Variants in TRAPPC9 observed in about 807,000 individuals in gnomAD.
TRAPPC9 encodes the protein IKK2 binding protein.
TRAPPC9 carries 83 observed loss-of-function variants against 124.0 expected under a neutral mutation model. The observed-to-expected ratio is 0.67, with a 90% CI of 0.56 to 0.80. The LOEUF is 0.80. Among genes scored for constraint, TRAPPC9 ranks in the 30% least tolerant of loss-of-function variants. TRAPPC9 has a pLI of 0.00. For missense variants in TRAPPC9, 1,302 were observed against 1,508.3 expected (o/e 0.86, Z 2.27); for synonymous variants, 638 against 617.5 (o/e 1.03, Z -0.49).
chr8:140,000,483 T>A (rs1838317938), intron 18 of TRAPPC9, among the ~76,000 whole-genome samples: 1 of 152,176 alleles, frequency 6.6e-6, no homozygotes, highest in African/African-American at 2.4e-5. Context: ...AATCTACCTA[T>A]CTGACAAAGG....
chr8:139,786,752 C>T (rs769951738), intron 21 of TRAPPC9, among the ~76,000 whole-genome samples: 4 of 152,156 alleles, frequency 2.6e-5, no homozygotes, highest in Non-Finnish European at 5.9e-5. Flanking sequence ...CCGGGACATG[C>T]AAAAACATAC....
chr8:140,067,308 T>C (rs1842939051), intron 17 of TRAPPC9, among the ~76,000 whole-genome samples: 1 of 152,136 alleles, frequency 6.6e-6, no homozygotes, highest in Non-Finnish European at 1.5e-5. Context: ...CAAACCCAGC[T>C]AATTTTTTGT....
intron 21 of TRAPPC9, among the ~76,000 whole-genome samples, chr8:139,848,015 CTAGCCCCTCACGCAGGGCCT>C (rs1827207653): frequency 6.6e-6 from 1 of 152,266 alleles, no homozygotes; most frequent in African/African-American, 2.4e-5. Context: ...AACAAGGCCC[CTAGCCCCTCACGCAGGGCCT>C]GTCCCAGGAG....
intron 5 of TRAPPC9, among the ~76,000 whole-genome samples, chr8:140,409,997 A>G (rs1363362857): frequency 6.6e-6 from 1 of 152,090 alleles, no homozygotes; most frequent in Non-Finnish European, 1.5e-5. Flanking sequence ...AAAATTAGCC[A>G]GGCATGGTGG....
At chr8:140,251,221 C>T (rs952613747) in intron 16 of TRAPPC9, among the ~76,000 whole-genome samples, 2 of 152,224 alleles carry the variant, frequency 1.3e-5, no homozygotes, top group African/African-American at 4.8e-5. Flanking sequence ...GGGTAATATC[C>T]AGTCCCAAGT....
intron 9 of TRAPPC9, among the ~76,000 whole-genome samples, chr8:140,317,655 C>A (rs941475642): frequency 1.3e-5 from 2 of 151,772 alleles, no homozygotes; most frequent in Non-Finnish European, 2.9e-5. Context: ...AGTTTAACAA[C>A]GAAAAATAAA....
chr8:140,206,998 G>A (rs1303128780), intron 17 of TRAPPC9, among the ~76,000 whole-genome samples: 1 of 152,152 alleles, frequency 6.6e-6, no homozygotes, highest in South Asian at 2.1e-4. Context: ...TTGAAGTCTA[G>A]TGGGGTGACA....
At chr8:140,092,567 G>A (rs1844644342) in intron 17 of TRAPPC9, among the ~76,000 whole-genome samples, 1 of 152,172 alleles carries the variant, frequency 6.6e-6, no homozygotes, top group Non-Finnish European at 1.5e-5. Context: ...GAGAGACTGA[G>A]TAACTTATCC....
intron 9 of TRAPPC9, among the ~76,000 whole-genome samples, chr8:140,358,195 G>A (rs1432143273): frequency 6.6e-6 from 1 of 152,176 alleles, no homozygotes; most frequent in Non-Finnish European, 1.5e-5. Context: ...ACTGCTTAAT[G>A]TATACTAGGT....
At chr8:140,339,553 T>TA (rs1392480272) in intron 9 of TRAPPC9, among the ~76,000 whole-genome samples, 1 of 152,156 alleles carries the variant, frequency 6.6e-6, no homozygotes, top group Non-Finnish European at 1.5e-5. Context: ...AGGCTAAGGA[T>TA]AAAGTCTCAC....
rs139577927 is a variant in TRAPPC9 at position 139,887,326 on chromosome 8, T to C, written c.2965-1357A>G. Among the ~76,000 whole-genome samples the C allele has an allele frequency of 6.8e-3, 1,025 of 151,836 alleles. 15 individuals carry two copies. Among genetic ancestry groups the C allele is most frequent in the African/African-American group, 0.024 (997 of 41,390 alleles). ...ACCTCCGCCTCCCAGGCTCAAGTGA[T>C]TCTCCTGCCTCAGTCTCTCGAGTAG... On this transcript the variant is annotated intron_variant, in intron 20 of 22. Transcript: ENST00000438773.
chr8:140,083,908 G>A (rs140945346), intron 17 of TRAPPC9, among the ~76,000 whole-genome samples: 2,116 of 152,022 alleles, frequency 0.014, 56 homozygotes, highest in African/African-American at 0.048. Flanking sequence ...CTCGTGATCC[G>A]CCCGTCTCAG....
chr8:139,860,568 A>G (rs1352360495), intron 21 of TRAPPC9, among the ~76,000 whole-genome samples: 1 of 152,064 alleles, frequency 6.6e-6, no homozygotes, highest in Non-Finnish European at 1.5e-5. Context: ...GTAATCCAAC[A>G]AACCAGGCCT....
rs1817697502 is a variant in TRAPPC9, at chr8:139,729,447, C to T, written c.*1614G>A. Among the ~76,000 whole-genome samples, 1 of 152,204 alleles carries T rather than the reference C, an allele frequency of 6.6e-6. No homozygotes were observed. Among genetic ancestry groups the T allele is most frequent in the Admixed American group, 6.5e-5 (1 of 15,280 alleles). ...AGGGCTGAAGAGACCGCCCTGGGGT[C>T]TCCACCCCCTACTGCAGCCAGACCT... is the stretch of plus-strand genomic sequence containing the variant. On this transcript the variant is annotated 3_prime_UTR_variant, in exon 23 of 23. Transcript: ENST00000438773.
chr8:140,418,791 T>G (rs958993336), intron 5 of TRAPPC9, among the ~76,000 whole-genome samples: 1 of 140,458 alleles, frequency 7.1e-6, no homozygotes, highest in Non-Finnish European at 1.6e-5. Flanking sequence ...GACAGACAGA[T>G]GCAAATATCC....
intron 9 of TRAPPC9, among the ~76,000 whole-genome samples, chr8:140,338,982 C>T (rs1312185661): frequency 7.5e-6 from 1 of 132,566 alleles, no homozygotes; most frequent in South Asian, 2.8e-4. Context: ...TACAGGCCGA[C>T]GGGAAACGGC....
chr8:140,453,357 T>C (rs927617450), intron 1 of TRAPPC9, among the ~76,000 whole-genome samples: 1 of 152,198 alleles, frequency 6.6e-6, no homozygotes, highest in African/African-American at 2.4e-5. Context: ...CTGCATAACC[T>C]TCAGGTCACC....
intron 17 of TRAPPC9, among the ~76,000 whole-genome samples, chr8:140,056,188 C>A (rs1470823000): frequency 6.6e-6 from 1 of 151,910 alleles, no homozygotes; most frequent in African/African-American, 2.4e-5. Context: ...GCAGAAGGAT[C>A]ACTTGAGCCC....
chr8:140,289,185 G>A (rs2065580100), intron 12 of TRAPPC9, among the ~76,000 whole-genome samples: 1 of 63,586 alleles, frequency 1.6e-5, no homozygotes, highest in African/African-American at 7.9e-5. Context: ...GTGTGTGTGT[G>A]TGTGTGTGTG....
Sources: gnomAD v4.1 joint callset for allele counts (sites outside exome capture counted in the v4.1 genomes callset) on GRCh38, gnomAD v4.1.1 for gene constraint, MANE v1.5 for transcripts, NCBI Gene and HGNC (gene_info 2026-07-23, HGNC 2026-07-21) for gene names.